Variants in PARP8 observed in about 807,000 individuals in gnomAD.
PARP8 encodes the protein poly(ADP-ribose) polymerase family member 8.
PARP8 carries 51 observed loss-of-function variants against 124.1 expected under a neutral mutation model. That is an observed-to-expected ratio of 0.41 (90% CI 0.33 to 0.52). The LOEUF (loss-of-function observed/expected upper bound fraction) is 0.52. PARP8 is among the 20% of genes least tolerant of loss of function. PARP8 has a pLI of 0.21. For missense variants in PARP8, 860 were observed against 1,018.9 expected (o/e 0.84, Z 2.12); for synonymous variants, 391 against 361.5 (o/e 1.08, Z -0.93).
At chr5:50,667,794 A>T in intron 1 of PARP8, 1 of 920,592 alleles carries the variant, frequency 1.1e-6, no homozygotes, top group Non-Finnish European at 1.7e-6. Context: ...CGCTACCGCG[A>T]GCCCGGCTGA....
intron 2 of PARP8, among the ~76,000 whole-genome samples, chr5:50,704,642 TAAA>T (rs1460019691): frequency 6.6e-6 from 1 of 152,146 alleles, no homozygotes; most frequent in Non-Finnish European, 1.5e-5. Flanking sequence ...CTTAGTGTAA[TAAA>T]AAGAATGTAA....
rs1350486334 is a variant in PARP8, at chr5:50,758,107, C to T, written c.185-1536C>T. Among the ~76,000 whole-genome samples, 3 of 152,078 alleles carry T rather than the reference C, an allele frequency of 2.0e-5. No homozygotes were observed. In the East Asian group the frequency reaches 5.8e-4, roughly 29 times the overall value. Reference sequence around the variant, plus strand: ...TTGACTCTAATAGGCGTTTTTGATACTTACTGAAAGTATGAGGTTACTGGC... The same window carrying T: ...TTGACTCTAATAGGCGTTTTTGATATTTACTGAAAGTATGAGGTTACTGGC... On this transcript the variant is annotated intron_variant, in intron 3 of 25. Coordinates refer to ENST00000281631, the MANE Select transcript of PARP8 (RefSeq NM_024615.4).
At chr5:50,767,329 C>T (rs1329714455) in intron 7 of PARP8, among the ~76,000 whole-genome samples, 1 of 152,156 alleles carries the variant, frequency 6.6e-6, no homozygotes, top group Non-Finnish European at 1.5e-5. Flanking sequence ...AATCTCCTTT[C>T]TAGCATATTG....
intron 2 of PARP8, among the ~76,000 whole-genome samples, chr5:50,731,929 A>G (rs1294296055): frequency 6.6e-6 from 1 of 152,212 alleles, no homozygotes; most frequent in Non-Finnish European, 1.5e-5. Context: ...TACATTTGCC[A>G]CATAGTGGGA....
chr5:50,815,564 G>A, intron 15 of PARP8, 40 bp downstream of exon 15: 1 of 1,481,406 alleles, frequency 6.8e-7, no homozygotes. Context: ...ATTTTGCTTT[G>A]AAAAATTTGT....
At position 50,676,890 on chromosome 5, in the gene PARP8, A is replaced by G. The variant is rs909951586; in HGVS notation, c.146+8765A>G. ...CAGTTATTAAGCTTTAGGGAACCAC[A>G]TGCCACTTTAGGTAACAGATGATTG... On this transcript the variant is annotated intron_variant, in intron 2 of 25. Coordinates refer to ENST00000281631, the MANE Select transcript of PARP8 (RefSeq NM_024615.4). Among the ~76,000 whole-genome samples, 15 of 152,212 alleles carry G rather than the reference A, an allele frequency of 9.9e-5. 1 individual carries two copies. Among genetic ancestry groups the G allele is most frequent in the African/African-American group, 3.4e-4 (14 of 41,466 alleles).
chr5:50,759,101 A>G (rs1339373413), intron 3 of PARP8, among the ~76,000 whole-genome samples: 2 of 152,094 alleles, frequency 1.3e-5, no homozygotes, highest in African/African-American at 2.4e-5. Flanking sequence ...TTTTTATTTT[A>G]GAGATGGGGG....
chr5:50,754,494 C>A (rs1024969062), intron 3 of PARP8, among the ~76,000 whole-genome samples: 1 of 151,962 alleles, frequency 6.6e-6, no homozygotes, highest in African/African-American at 2.4e-5. Context: ...TCATCCATGT[C>A]CCTACAAAGG....
chr5:50,736,605 A>G (rs978124223), intron 2 of PARP8, among the ~76,000 whole-genome samples: 2 of 152,222 alleles, frequency 1.3e-5, no homozygotes, highest in African/African-American at 4.8e-5. Context: ...AGGTACAGGC[A>G]TTTAACTTAC....
intron 9 of PARP8, among the ~76,000 whole-genome samples, chr5:50,784,454 G>C (rs1271722966): frequency 6.6e-6 from 1 of 152,082 alleles, no homozygotes. Flanking sequence ...CAAGGACAAA[G>C]CTGTTTCTAG....
rs372370052 is a variant in PARP8 at position 50,763,158 on chromosome 5, A to T, written c.434A>T (p.Asp145Val). The T allele has an allele frequency of 5.0e-6, 8 of 1,612,570 alleles. No homozygotes were observed. Among genetic ancestry groups the T allele is most frequent in the African/African-American group, 4.0e-5 (3 of 74,884 alleles). The change falls in exon 7 of 26, where the codon GAT becomes GTT. Residue 145 changes from aspartate to valine, a missense_variant. Around this residue, in one of 2 missense-constraint regions of PARP8, gnomAD observed 517 missense variants for 544.2 expected, o/e 0.95. Transcript: ENST00000281631. ...EFYYGGQVNY[D>V]GELHKHPQLE... Reference sequence around the variant, plus strand: ...ATCCCTTTTCATCAGGTGAACTATGATGGGGAACTGCACAAGCACCCACAA... The same window carrying T: ...ATCCCTTTTCATCAGGTGAACTATGTTGGGGAACTGCACAAGCACCCACAA...
At chr5:50,753,460 ACC>A (rs1467349160) in intron 3 of PARP8, among the ~76,000 whole-genome samples, 1 of 152,144 alleles carries the variant, frequency 6.6e-6, no homozygotes, top group Non-Finnish European at 1.5e-5. Flanking sequence ...TTGTTTTTAT[ACC>A]TAATAAACAT....
intron 14 of PARP8, among the ~76,000 whole-genome samples, chr5:50,805,813 C>T (rs1743776987): frequency 6.6e-6 from 1 of 152,028 alleles, no homozygotes; most frequent in Non-Finnish European, 1.5e-5. Flanking sequence ...CAACTTTTCT[C>T]TCAGAGATAT....
At chr5:50,704,838 A>G (rs937507004) in intron 2 of PARP8, among the ~76,000 whole-genome samples, 9 of 152,232 alleles carry the variant, frequency 5.9e-5, no homozygotes, top group African/African-American at 2.2e-4. Context: ...GCTTTAAAAT[A>G]GGAATGCATA....
intron 2 of PARP8, among the ~76,000 whole-genome samples, chr5:50,720,741 T>TCCA (rs112858123): frequency 2.4e-4 from 37 of 151,604 alleles, no homozygotes; most frequent in African/African-American, 7.7e-4. Flanking sequence ...GTAACTGCCA[T>TCCA]ACTCCTGACG....
At chr5:50,670,968 T>C (rs1351892480) in intron 2 of PARP8, among the ~76,000 whole-genome samples, 1 of 152,234 alleles carries the variant, frequency 6.6e-6, no homozygotes, top group Admixed American at 6.5e-5. Context: ...ATTCTAGCAA[T>C]GATCTTGATA....
At chr5:50,730,662 A>G (rs1756890158) in intron 2 of PARP8, among the ~76,000 whole-genome samples, 1 of 152,242 alleles carries the variant, frequency 6.6e-6, no homozygotes, top group South Asian at 2.1e-4. Flanking sequence ...ATGTGATTCA[A>G]CTGAATGTAT....
chr5:50,709,969 TACAC>T lies in PARP8; in HGVS notation c.147-40172_147-40169del, dbSNP rs1377182563. Among the ~76,000 whole-genome samples the T allele has an allele frequency of 4.3e-4, 58 of 136,208 alleles. 1 individual carries two copies. The highest frequency in any genetic ancestry group is 1.0e-3 in the African/African-American group (35 of 35,088). 89.4% of individuals were successfully genotyped at this position (136,208 alleles called of 152,430 possible). ...ATATATATATATACACATACATATA[TACAC>T]ACACACACATATATATACATATATA... On this transcript the variant is annotated intron_variant, in intron 2 of 25. Transcript: ENST00000281631.
chr5:50,741,273 G>T (rs1758015235), intron 2 of PARP8, among the ~76,000 whole-genome samples: 1 of 152,062 alleles, frequency 6.6e-6, no homozygotes, highest in South Asian at 2.1e-4. Flanking sequence ...TTGATGACAT[G>T]CTCTATCTAC....
Sources: allele counts gnomAD v4.1 joint callset (sites outside exome capture counted in the v4.1 genomes callset), GRCh38; gene constraint gnomAD v4.1.1; regional missense constraint gnomAD v4.1.1; transcripts MANE v1.5; gene names NCBI Gene and HGNC (gene_info 2026-07-23, HGNC 2026-07-21).